The following GAN variants were observed in gnomAD, a reference collection of about 807,000 sequenced individuals.
GAN encodes gigaxonin.
Under a neutral mutation model 71.3 loss-of-function variants are expected in GAN, and 48 were observed. The ratio of observed to expected loss-of-function variants is 0.67; its 90% CI spans 0.53 to 0.86. The LOEUF is 0.86. Among genes scored for constraint, GAN ranks in the 40% least tolerant of loss-of-function variants. The pLI, the probability that GAN is intolerant of heterozygous loss-of-function variation, is 0.00. For missense variants in GAN, 928 were observed against 770.1 expected, an observed-to-expected ratio of 1.21 and a Z score of -2.43; for synonymous variants, 386 against 276.8, an observed-to-expected ratio of 1.39 and a Z score of -3.92.
intron 1 of GAN, among the ~76,000 whole-genome samples, chr16:81,344,744 A>G (rs570280017): frequency 1.3e-5 from 2 of 152,350 alleles, no homozygotes; most frequent in South Asian, 2.1e-4. Flanking sequence ...CAAAAAAGCC[A>G]AAAACGACAA....
intron 5 of GAN, among the ~76,000 whole-genome samples, chr16:81,359,491 T>C (rs144927815): frequency 6.4e-4 from 97 of 152,186 alleles, no homozygotes; most frequent in Non-Finnish European, 7.8e-4. Flanking sequence ...GTTTGGGACT[T>C]ACATTCTTGT....
At chr16:81,337,150 G>A (rs1326188214) in intron 1 of GAN, among the ~76,000 whole-genome samples, 2 of 152,288 alleles carry the variant, frequency 1.3e-5, no homozygotes, top group Non-Finnish European at 2.9e-5. Flanking sequence ...GAGGGCATCT[G>A]TGAAACAAAT....
intron 1 of GAN, 144 bp downstream of exon 1, chr16:81,315,424 C>G (rs1909000176): frequency 6.2e-6 from 3 of 481,448 alleles, no homozygotes; most frequent in Non-Finnish European, 9.4e-6. Flanking sequence ...GCGTCCCTCC[C>G]GGCAAGCGCC....
In GAN at chr16:81,377,823, G is replaced by A. The variant is rs113970605; in HGVS notation, c.*227G>A. 0.033 allele frequency: 19,439 copies of A among 580,562 alleles called. 685 individuals carry two copies. The highest frequency in any genetic ancestry group is 0.14 in the African/African-American group (7,492 of 53,526). The allele number at this position is 580,562 out of a possible 1,614,324, so 36.0% of individuals were successfully genotyped here. ...GAGTGAGTTCCTCCAGTTAAATGTG[G>A]CTGTAGATGTTGGAGGCTAGGGAGG... On this transcript the variant is annotated 3_prime_UTR_variant, in exon 11 of 11. Transcript: ENST00000648994.
At chr16:81,368,722 C>T (rs1910942070) in intron 9 of GAN, among the ~76,000 whole-genome samples, 1 of 152,192 alleles carries the variant, frequency 6.6e-6, no homozygotes, top group East Asian at 1.9e-4. Context: ...CTTCCCTGCC[C>T]CGCTGCTACC....
chr16:81,334,966 A>G (rs1210926500), intron 1 of GAN, among the ~76,000 whole-genome samples: 3 of 152,244 alleles, frequency 2.0e-5, no homozygotes, highest in East Asian at 3.9e-4. Context: ...CACTATTTTC[A>G]TGGATATTGA....
intron 1 of GAN, among the ~76,000 whole-genome samples, chr16:81,331,193 C>A (rs144952366): frequency 1.3e-5 from 2 of 152,088 alleles, no homozygotes; most frequent in Non-Finnish European, 2.9e-5. Flanking sequence ...CAACAGAGAC[C>A]ATGTCTCAAA....
At chr16:81,327,881 A>T (rs1909441279) in intron 1 of GAN, among the ~76,000 whole-genome samples, 1 of 152,222 alleles carries the variant, frequency 6.6e-6, no homozygotes, top group African/African-American at 2.4e-5. Flanking sequence ...TAGCCTCCGA[A>T]ATAGAATAGC....
At chr16:81,348,117 G>C (rs1352488713) in intron 1 of GAN, among the ~76,000 whole-genome samples, 1 of 152,136 alleles carries the variant, frequency 6.6e-6, no homozygotes, top group African/African-American at 2.4e-5. Flanking sequence ...TGGGGTTATA[G>C]GCATGAGCCA....
chr16:81,357,954 C>A, intron 5 of GAN, 23 bp downstream of exon 5: 3 of 1,604,066 alleles, frequency 1.9e-6, no homozygotes, highest in African/African-American at 1.3e-5. Flanking sequence ...GGCAAATTTT[C>A]CTTAAACAGC....
At chr16:81,366,833 C>A (rs1427980283) in intron 9 of GAN, among the ~76,000 whole-genome samples, 1 of 150,978 alleles carries the variant, frequency 6.6e-6, no homozygotes, top group Non-Finnish European at 1.5e-5. Flanking sequence ...TTTTTTCTTT[C>A]TTTCTTTTTT....
chr16:81,350,509 A>C (rs1910264220), intron 1 of GAN, among the ~76,000 whole-genome samples: 1 of 138,864 alleles, frequency 7.2e-6, no homozygotes, highest in Non-Finnish European at 1.5e-5. Flanking sequence ...TTATTTATTT[A>C]CTTACTTAAT....
intron 1 of GAN, among the ~76,000 whole-genome samples, chr16:81,320,962 C>A (rs988055739): frequency 2.6e-5 from 4 of 151,386 alleles, no homozygotes; most frequent in African/African-American, 9.7e-5. Flanking sequence ...TTGATTAAAC[C>A]CTATTCTTAC....
At position 81,378,955 on chromosome 16, in the gene GAN, C is replaced by G. The variant is rs550699622; in HGVS notation, c.*1359C>G. The G allele has an allele frequency of 1.0e-3, 154 of 152,338 alleles. No homozygotes were observed. The highest frequency in any genetic ancestry group is 3.6e-3 in the African/African-American group (149 of 41,520). 9.4% of individuals were successfully genotyped at this position (152,338 alleles called of 1,614,324 possible). A position where few individuals can be genotyped will look rare whatever the true frequency, so the allele number is the denominator to read the frequency against. ...TCGGGGACTTCAAAGTGCTTGATTC[C>G]TTCCTAAATTGAATTTTATGCAATG... On this transcript the variant is annotated 3_prime_UTR_variant, in exon 11 of 11. Coordinates refer to ENST00000648994, the MANE Select transcript of GAN (RefSeq NM_022041.4).
chr16:81,357,717 A>C, intron 4 of GAN, 93 bp from the exon 5 acceptor site: 1 of 1,203,730 alleles, frequency 8.3e-7, no homozygotes, highest in East Asian at 2.4e-5. Flanking sequence ...AAATGTTTTA[A>C]ATATTCTTTA....
chr16:81,373,203 A>C (rs1402422158), intron 9 of GAN, among the ~76,000 whole-genome samples: 1 of 152,222 alleles, frequency 6.6e-6, no homozygotes, highest in African/African-American at 2.4e-5. Context: ...TGGCTGCTTC[A>C]CAGCATAGAG....
At chr16:81,376,462 CAT>C (rs1385692900) in intron 9 of GAN, among the ~76,000 whole-genome samples, 114 of 93,822 alleles carry the variant, frequency 1.2e-3, no homozygotes, top group East Asian at 5.9e-3. Flanking sequence ...TTTATACATA[CAT>C]ATGTGTGTGT....
At chr16:81,330,204 G>A (rs943821756) in intron 1 of GAN, among the ~76,000 whole-genome samples, 12 of 152,134 alleles carry the variant, frequency 7.9e-5, no homozygotes, top group African/African-American at 2.7e-4. Flanking sequence ...CTCAGCCCCC[G>A]TCAGTCTCCA....
At chr16:81,337,639 A>T (rs1484772595) in intron 1 of GAN, among the ~76,000 whole-genome samples, 1 of 152,216 alleles carries the variant, frequency 6.6e-6, no homozygotes, top group Non-Finnish European at 1.5e-5. Flanking sequence ...TTAATTACTT[A>T]CAAGTTGTAG....
Sources: gnomAD v4.1 joint callset for allele counts (sites outside exome capture counted in the v4.1 genomes callset) on GRCh38, gnomAD v4.1.1 for gene constraint, MANE v1.5 for transcripts, NCBI Gene and HGNC (gene_info 2026-07-23, HGNC 2026-07-21) for gene names.